The following DSCAM variants were observed in gnomAD, a reference collection of about 807,000 sequenced individuals.
The protein encoded by DSCAM is DS cell adhesion molecule, also known as cell adhesion molecule DSCAM.
DSCAM carries 47 observed loss-of-function variants against 217.7 expected under a neutral mutation model. The ratio of observed to expected loss-of-function variants is 0.22; its 90% CI spans 0.17 to 0.28. DSCAM has a LOEUF of 0.28. Among genes scored for constraint, DSCAM ranks in the 10% least tolerant of loss-of-function variants. The pLI, the probability that DSCAM is intolerant of heterozygous loss-of-function variation, is 1.00. For synonymous variants in DSCAM, 1,056 were observed against 1,015.3 expected, an observed-to-expected ratio of 1.04 and a Z score of -0.76; for missense variants, 2,080 against 2,618.3, an observed-to-expected ratio of 0.79 and a Z score of 4.49.
chr21:40,118,662 G>A (rs1354335854), intron 20 of DSCAM, among the ~76,000 whole-genome samples: 1 of 152,180 alleles, frequency 6.6e-6, no homozygotes, highest in Non-Finnish European at 1.5e-5. Context: ...TATTTCCTCT[G>A]ATCATATTAC....
chr21:40,338,201 A>C lies in DSCAM; in HGVS notation c.1683T>G (p.Leu561=). ...VAFENNGTLK[L]SDVQKEVDEG... is the part of the protein sequence containing the mutation. The stretch of plus-strand genomic sequence containing the variant: ...CGTCCACTTCCTTTTGCACATCTGA[A>C]AGTTTAAGAGTTCCATTGTTCTCAA... Residue 561 remains leucine, a synonymous_variant, in exon 8 of 33, where the codon CTT becomes CTG. Coordinates refer to ENST00000400454, the MANE Select transcript of DSCAM (RefSeq NM_001389.5). 3 of 1,614,246 alleles carry C rather than the reference A, an allele frequency of 1.9e-6. No individual in the cohort carries two copies. The highest frequency in any genetic ancestry group is 2.5e-6 in the Non-Finnish European group (3 of 1,180,040).
At chr21:40,124,357 G>A (rs2090071188) in intron 19 of DSCAM, 29 bp from the exon 20 acceptor site, 10 of 1,612,190 alleles carry the variant, frequency 6.2e-6, no homozygotes, top group Non-Finnish European at 8.5e-6. Context: ...TAGTCACAAG[G>A]TGGGGCCTCA....
intron 3 of DSCAM, among the ~76,000 whole-genome samples, chr21:40,639,689 A>ACGTGTG (rs2089854115): frequency 3.3e-5 from 5 of 150,282 alleles, no homozygotes; most frequent in African/African-American, 1.2e-4. Flanking sequence ...ATGTGTGTGC[A>ACGTGTG]TGTGTGTGTG....
At chr21:40,217,366 C>G (rs116779700) in intron 11 of DSCAM, among the ~76,000 whole-genome samples, 2,601 of 152,280 alleles carry the variant, frequency 0.017, 67 homozygotes, top group African/African-American at 0.057. Flanking sequence ...GCCTTGTCAA[C>G]ATAATACTAC....
At chr21:40,587,185 C>T (rs1470130127) in intron 3 of DSCAM, among the ~76,000 whole-genome samples, 2 of 152,068 alleles carry the variant, frequency 1.3e-5, no homozygotes, top group Admixed American at 1.3e-4. Flanking sequence ...GGATATGTAT[C>T]AGAGACTTTT....
rs545705863 is a variant in DSCAM, at chr21:40,112,814, A to G, written c.3696+11381T>C. On this transcript the variant is annotated intron_variant, in intron 20 of 32. Transcript: ENST00000400454. ...TCTATGCAAATAAACTAGAAAATCT[A>G]GAAGAAATGGTAAAATTCCTTGACA... 2.6e-5 allele frequency among the ~76,000 whole-genome samples: 4 copies of G among 152,338 alleles called. No individual in the cohort carries two copies. In the East Asian group the frequency reaches 7.7e-4, roughly 29 times the overall value.
chr21:40,396,990 C>T (rs80158925), intron 3 of DSCAM, among the ~76,000 whole-genome samples: 8,215 of 152,180 alleles, frequency 0.054, 760 homozygotes, highest in African/African-American at 0.19. Flanking sequence ...GATTGCCTAA[C>T]TGACCACCTG....
chr21:40,792,787 T>C (rs887966740), intron 1 of DSCAM, among the ~76,000 whole-genome samples: 1 of 152,186 alleles, frequency 6.6e-6, no homozygotes. Context: ...AAGACATCTG[T>C]GGGCTGAGAC....
At chr21:40,223,765 G>A (rs1360185486) in intron 11 of DSCAM, among the ~76,000 whole-genome samples, 15 of 152,218 alleles carry the variant, frequency 9.9e-5, no homozygotes. Flanking sequence ...ATGAAGGTTA[G>A]AATGGTTTCT....
intron 32 of DSCAM, among the ~76,000 whole-genome samples, chr21:40,030,209 T>C (rs1047290560): frequency 6.6e-6 from 1 of 152,196 alleles, no homozygotes; most frequent in African/African-American, 2.4e-5. Context: ...GCCTCCCTGC[T>C]CCTCTGTCTT....
intron 3 of DSCAM, among the ~76,000 whole-genome samples, chr21:40,414,197 G>A (rs898302008): frequency 3.3e-5 from 5 of 152,164 alleles, no homozygotes; most frequent in African/African-American, 1.2e-4. Flanking sequence ...AAGTCCAACT[G>A]CAGATTAAGA....
chr21:40,517,045 C>A (rs1351287056), intron 3 of DSCAM, among the ~76,000 whole-genome samples: 1 of 145,244 alleles, frequency 6.9e-6, no homozygotes, highest in African/African-American at 2.5e-5. Context: ...ATATATATAC[C>A]TTATATACTC....
At chr21:40,228,433 C>T (rs1393786841) in intron 11 of DSCAM, among the ~76,000 whole-genome samples, 1 of 152,074 alleles carries the variant, frequency 6.6e-6, no homozygotes, top group Non-Finnish European at 1.5e-5. Flanking sequence ...GCTTATTTTA[C>T]ACTTATCACT....
chr21:40,347,425 T>C (rs972187568), intron 6 of DSCAM, among the ~76,000 whole-genome samples: 1 of 152,224 alleles, frequency 6.6e-6, no homozygotes, highest in African/African-American at 2.4e-5. Context: ...AGATAACTTC[T>C]AATGCACAAG....
intron 24 of DSCAM, among the ~76,000 whole-genome samples, chr21:40,083,624 G>A (rs2089492649): frequency 6.6e-6 from 1 of 152,150 alleles, no homozygotes; most frequent in South Asian, 2.1e-4. Flanking sequence ...ACAGTGTTTA[G>A]AATCTCAAAA....
In DSCAM at chr21:40,569,323, T is replaced by C. The variant is rs191288689; in HGVS notation, c.508+123487A>G. Among the ~76,000 whole-genome samples, 8 of 152,320 alleles carry C rather than the reference T, an allele frequency of 5.3e-5. No homozygotes were observed. In the East Asian group the frequency reaches 1.5e-3, roughly 29 times the overall value. Reference sequence around the variant, plus strand: ...GTTTCCAGTTATTTGATGAAACCCTTATCTAGGTGTTGCTATGAAGGTTAT... The same window carrying C: ...GTTTCCAGTTATTTGATGAAACCCTCATCTAGGTGTTGCTATGAAGGTTAT... On this transcript the variant is annotated intron_variant, in intron 3 of 32. Coordinates refer to ENST00000400454, the MANE Select transcript of DSCAM (RefSeq NM_001389.5).
intron 3 of DSCAM, among the ~76,000 whole-genome samples, chr21:40,596,263 A>G (rs1023938783): frequency 6.6e-6 from 1 of 152,210 alleles, no homozygotes; most frequent in African/African-American, 2.4e-5. Context: ...CAGGATCGGT[A>G]CCACTCTCCA....
intron 3 of DSCAM, among the ~76,000 whole-genome samples, chr21:40,569,325 T>A (rs564621650): frequency 1.3e-5 from 2 of 152,216 alleles, no homozygotes; most frequent in African/African-American, 4.8e-5. Flanking sequence ...GAAACCCTTA[T>A]CTAGGTGTTG....
chr21:40,799,118 A>G (rs971375300), intron 1 of DSCAM, among the ~76,000 whole-genome samples: 3 of 152,166 alleles, frequency 2.0e-5, no homozygotes, highest in Admixed American at 2.0e-4. Flanking sequence ...GACCAAAAAG[A>G]AAATTTTATT....
Sources: allele counts gnomAD v4.1 joint callset (sites outside exome capture counted in the v4.1 genomes callset), GRCh38; gene constraint gnomAD v4.1.1; transcripts MANE v1.5; gene names NCBI Gene and HGNC (gene_info 2026-07-23, HGNC 2026-07-21).